CEPT1: variants seen among roughly 807,000 people sequenced by gnomAD.
The protein encoded by CEPT1 is choline/ethanolaminephosphotransferase 1.
A neutral mutation model predicts 42.6 loss-of-function variants in CEPT1; 7 were observed. The observed-to-expected ratio is 0.16, with a 90% confidence interval of 0.09 to 0.31. The LOEUF is 0.31. Among genes scored for constraint, CEPT1 ranks in the 10% least tolerant of loss-of-function variants. The pLI is 1.00. For synonymous variants in CEPT1, 171 were observed against 171.9 expected, an observed-to-expected ratio of 0.99 and a Z score of 0.04; for missense variants, 306 against 502.1, an observed-to-expected ratio of 0.61 and a Z score of 3.73.
At chr1:111,167,189 C>T (rs996365171) in intron 4 of CEPT1, 16 of 984,494 alleles carry the variant, frequency 1.6e-5, no homozygotes, top group Middle Eastern at 5.2e-4. Flanking sequence ...TGGAACTTCA[C>T]GGTAACTGCT....
At chr1:111,140,531 C>G (rs1008000215) in intron 1 of CEPT1, 2 of 152,016 alleles carry the variant, frequency 1.3e-5, no homozygotes, top group East Asian at 1.9e-4. Context: ...GGAGACTGCC[C>G]CCTTGCCCCT....
At chr1:111,160,018 G>A (rs1481224195) in intron 3 of CEPT1, 4 of 152,248 alleles carry the variant, frequency 2.6e-5, no homozygotes, top group Non-Finnish European at 4.4e-5. Flanking sequence ...CATTTTAGAT[G>A]CTTTTACCAC....
At chr1:111,153,782 T>C (rs1655409703) in intron 2 of CEPT1, among the ~76,000 whole-genome samples, 1 of 152,154 alleles carries the variant, frequency 6.6e-6, no homozygotes, top group Non-Finnish European at 1.5e-5. Context: ...AATACATAGA[T>C]TTATTTCTGG....
intron 2 of CEPT1, among the ~76,000 whole-genome samples, chr1:111,155,801 G>C (rs1406253038): frequency 6.6e-6 from 1 of 152,142 alleles, no homozygotes; most frequent in Non-Finnish European, 1.5e-5. Flanking sequence ...GCCTCCCAAA[G>C]TACTGGGATT....
chr1:111,140,388 C>G (rs983715061), intron 1 of CEPT1, 81 bp downstream of exon 1: 1 of 152,566 alleles, frequency 6.6e-6, no homozygotes, highest in Non-Finnish European at 1.5e-5. Flanking sequence ...ACTGGATGCT[C>G]TGGGGCGGGT....
intron 8 of CEPT1, 117 bp from the exon 9 acceptor site, chr1:111,184,073 GA>G (rs1276388132): frequency 9.5e-7 from 1 of 1,048,202 alleles, no homozygotes; most frequent in African/African-American, 1.6e-5. Flanking sequence ...CAAGGAAATT[GA>G]ATTATTTTAT....
intron 5 of CEPT1, among the ~76,000 whole-genome samples, chr1:111,177,177 A>G (rs558640919): frequency 3.3e-5 from 5 of 152,306 alleles, no homozygotes; most frequent in African/African-American, 9.6e-5. Context: ...ATTGGGGAGA[A>G]CCTGTTGTTG....
upstream of CEPT1, chr1:111,140,152 A>C (rs1197873118): frequency 6.6e-6 from 1 of 152,210 alleles, no homozygotes; most frequent in East Asian, 1.9e-4. Context: ...GGGCGCGCTC[A>C]CGGCACCGAG....
intron 4 of CEPT1, among the ~76,000 whole-genome samples, chr1:111,171,476 A>T (rs1176919279): frequency 6.6e-6 from 1 of 152,218 alleles, no homozygotes; most frequent in Non-Finnish European, 1.5e-5. Flanking sequence ...GTAAGGAATG[A>T]TTGGCCTAAA....
At chr1:111,155,213 A>T (rs974550883) in intron 2 of CEPT1, among the ~76,000 whole-genome samples, 1 of 152,102 alleles carries the variant, frequency 6.6e-6, no homozygotes, top group Non-Finnish European at 1.5e-5. Flanking sequence ...TTTATAGGTT[A>T]TACGTGTCTA....
At chr1:111,172,493 C>T (rs1656470389) in intron 4 of CEPT1, among the ~76,000 whole-genome samples, 1 of 152,128 alleles carries the variant, frequency 6.6e-6, no homozygotes, top group Admixed American at 6.5e-5. Flanking sequence ...TTAAAATGAG[C>T]CTCTTTGTAG....
chr1:111,160,178 A>G (rs1655794336), intron 3 of CEPT1: 1 of 152,180 alleles, frequency 6.6e-6, no homozygotes, highest in Admixed American at 6.5e-5. Context: ...CTCTGTTTGG[A>G]TTATAAGTGA....
rs182924267 is a variant in CEPT1 at position 111,153,144 on chromosome 1, G to A, written c.339+5091G>A. 1.8e-3 allele frequency among the ~76,000 whole-genome samples: 271 copies of A among 151,948 alleles called. 1 individual carries two copies. The highest frequency in any genetic ancestry group is 6.3e-3 in the African/African-American group (261 of 41,440). ...CCTCCCCTCCTCCTTACCCATCCCAGCCTCTTGTAACCACAATTCTTCCCT... is the reference window on the plus strand; with the variant it reads ...CCTCCCCTCCTCCTTACCCATCCCAACCTCTTGTAACCACAATTCTTCCCT... On this transcript the variant is annotated intron_variant, in intron 2 of 8. Transcript: ENST00000357172.
chr1:111,161,749 TTA>T (rs1655887028), intron 4 of CEPT1, among the ~76,000 whole-genome samples: 1 of 152,344 alleles, frequency 6.6e-6, no homozygotes, highest in Middle Eastern at 3.4e-3. Context: ...TTCACATAGT[TTA>T]TGTTTCGTTG....
intron 2 of CEPT1, among the ~76,000 whole-genome samples, chr1:111,154,681 A>C (rs1388368560): frequency 2.6e-5 from 4 of 152,072 alleles, no homozygotes; most frequent in Non-Finnish European, 4.4e-5. Context: ...ATTTGTGGTG[A>C]CGTTTTATCT....
chr1:111,143,104 C>T (rs1210109753), intron 1 of CEPT1, among the ~76,000 whole-genome samples: 1 of 152,226 alleles, frequency 6.6e-6, no homozygotes, highest in Non-Finnish European at 1.5e-5. Context: ...ATAAGCACAT[C>T]AGTTGCTTTC....
intron 4 of CEPT1, 101 bp downstream of exon 4, chr1:111,161,397 AGTTT>A: frequency 8.6e-7 from 1 of 1,164,446 alleles, no homozygotes; most frequent in South Asian, 1.6e-5. Flanking sequence ...TCACTAAGTT[AGTTT>A]AATAAATTAA....
At position 111,147,729 on chromosome 1, in the gene CEPT1, A is replaced by C; in HGVS notation, c.15A>C (p.Arg5=). 6.2e-7 allele frequency: 1 copy of C among 1,608,794 alleles called. No homozygotes were observed. Among genetic ancestry groups the C allele is most frequent in the South Asian group, 1.1e-5 (1 of 90,626 alleles). ...AAACAAGATCCATGAGTGGGCATCGATCAACAAGGAAAAGATGTGGAGATT... is the reference window on the plus strand; with the variant it reads ...AAACAAGATCCATGAGTGGGCATCGCTCAACAAGGAAAAGATGTGGAGATT... MSGH[R]STRKRCGDSH... is the part of the protein sequence containing the mutation. The change falls in exon 2 of 9, where the codon CGA becomes CGC. Residue 5 remains arginine (R), a synonymous_variant. Transcript: ENST00000357172.
chr1:111,141,927 A>T (rs1280228615), intron 1 of CEPT1, among the ~76,000 whole-genome samples: 1 of 152,262 alleles, frequency 6.6e-6, no homozygotes, highest in South Asian at 2.1e-4. Flanking sequence ...GACTGTAAAC[A>T]TACTGCTGAA....
Sources: allele counts gnomAD v4.1 joint callset (sites outside exome capture counted in the v4.1 genomes callset), GRCh38; gene constraint gnomAD v4.1.1; transcripts MANE v1.5; gene names NCBI Gene and HGNC (gene_info 2026-07-23, HGNC 2026-07-21).